Variants in LAMTOR3 observed in about 807,000 individuals in gnomAD.
LAMTOR3 encodes the protein late endosomal/lysosomal adaptor, MAPK and MTOR activator 3.
Under a neutral mutation model 20.3 loss-of-function variants are expected in LAMTOR3, and 14 were observed. The observed-to-expected ratio is 0.69, with a 90% confidence interval of 0.46 to 1.08. The LOEUF is 1.08. Ranked by LOEUF, LAMTOR3 falls within the 50% of genes least tolerant of loss-of-function variation. LAMTOR3 has a pLI of 0.00. For missense variants in LAMTOR3, 125 were observed against 143.7 expected, an observed-to-expected ratio of 0.87 and a Z score of 0.67; for synonymous variants, 40 against 49.4, an observed-to-expected ratio of 0.81 and a Z score of 0.80.
At chr4:99,891,236 G>A (rs1725017828) in intron 3 of LAMTOR3, among the ~76,000 whole-genome samples, 1 of 152,028 alleles carries the variant, frequency 6.6e-6, no homozygotes, top group South Asian at 2.1e-4. Flanking sequence ...CAATTTGAGC[G>A]CCCTTTCATT....
chr4:99,883,479 T>C (rs1045203330), intron 6 of LAMTOR3, among the ~76,000 whole-genome samples: 7 of 152,046 alleles, frequency 4.6e-5, no homozygotes, highest in African/African-American at 1.7e-4. Context: ...AGTGAAGGTA[T>C]TGGATACAAT....
At chr4:99,885,204 A>T (rs1210732088) in intron 5 of LAMTOR3, among the ~76,000 whole-genome samples, 1 of 152,166 alleles carries the variant, frequency 6.6e-6, no homozygotes, top group Non-Finnish European at 1.5e-5. Context: ...AGTTTTTTTT[A>T]TCTGTTACTA....
At chr4:99,892,176 G>C (rs1455984858) in intron 2 of LAMTOR3, 142 bp from the exon 3 acceptor site, 14 of 1,371,036 alleles carry the variant, frequency 1.0e-5, no homozygotes, top group Admixed American at 3.6e-5. Flanking sequence ...GTCTGATTTG[G>C]ATGTTTACTA....
rs568287975 is a variant in LAMTOR3 at position 99,883,871 on chromosome 4, T to C, written c.301+191A>G. On this transcript the variant is annotated intron_variant, in intron 6 of 6. Coordinates refer to ENST00000499666, the MANE Select transcript of LAMTOR3 (RefSeq NM_021970.4). ...ATGGAGAAAGCATATATTATCTCCA[T>C]TATACAGATATGGAAACCAGGATTC... Among the ~76,000 whole-genome samples the C allele has an allele frequency of 2.0e-5, 3 of 151,812 alleles. No individual in the cohort carries two copies. The South Asian group carries it at 6.2e-4, about 32-fold the overall frequency.
At chr4:99,894,064 T>G in intron 1 of LAMTOR3, 64 bp from the exon 2 acceptor site, 1 of 1,075,968 alleles carries the variant, frequency 9.3e-7, no homozygotes, top group South Asian at 1.8e-5. Flanking sequence ...ACCCACAACT[T>G]AATACGCGAG....
At chr4:99,894,443 C>T (rs1725089528), upstream of LAMTOR3, 1 of 153,056 alleles carries the variant, frequency 6.5e-6, no homozygotes. Flanking sequence ...CGTCTGCGCT[C>T]CAGGAAGCAC....
intron 5 of LAMTOR3, among the ~76,000 whole-genome samples, chr4:99,885,192 A>T (rs1260728882): frequency 6.6e-6 from 1 of 152,202 alleles, no homozygotes; most frequent in Non-Finnish European, 1.5e-5. Context: ...ACTTTCAAGG[A>T]AAGTTTTTTT....
At chr4:99,885,445 C>A in intron 5 of LAMTOR3, 97 bp downstream of exon 5, 2 of 1,100,360 alleles carry the variant, frequency 1.8e-6, no homozygotes, top group Non-Finnish European at 2.5e-6. Flanking sequence ...CTCTTCAAAA[C>A]TAAAATTGAG....
chr4:99,894,305 C>G, intron 1 of LAMTOR3, 30 bp downstream of exon 1: 1 of 275,728 alleles, frequency 3.6e-6, no homozygotes, highest in Admixed American at 5.3e-5. Context: ...GGGACTAGGC[C>G]TCAAAACCAG....
Position 99,880,812 on chromosome 4 carries a change from C to A in LAMTOR3, c.*1182G>T, listed in dbSNP as rs971367657. Reference sequence around the variant, plus strand: ...CTCAATGCATATGTACTGAACTGATCCAGGGAAAAACTGATTGTCAAAGAG... The same window carrying A: ...CTCAATGCATATGTACTGAACTGATACAGGGAAAAACTGATTGTCAAAGAG... On this transcript the variant is annotated 3_prime_UTR_variant, in exon 7 of 7. Coordinates refer to ENST00000499666, the MANE Select transcript of LAMTOR3 (RefSeq NM_021970.4). The A allele has an allele frequency of 6.6e-5, 10 of 152,206 alleles. No homozygotes were observed. The highest frequency in any genetic ancestry group is 2.4e-4 in the African/African-American group (10 of 41,422). The allele number at this position is 152,206 out of a possible 1,614,324, so 9.4% of individuals were successfully genotyped here.
At position 99,879,657 on chromosome 4, in the gene LAMTOR3, C is replaced by T. The variant is rs973733854; in HGVS notation, c.*2337G>A. 1.3e-5 allele frequency: 2 copies of T among 152,002 alleles called. No homozygotes were observed. Among genetic ancestry groups the T allele is most frequent in the African/African-American group, 2.4e-5 (1 of 41,348 alleles). 9.4% of individuals were successfully genotyped at this position (152,002 alleles called of 1,614,324 possible). On this transcript the variant is annotated 3_prime_UTR_variant, in exon 7 of 7. Transcript: ENST00000499666. ...GTTACGTAACAATGTGGATACATTT[C>T]GAGACATGCTTTGTTAGGTGATTTC...
At chr4:99,883,326 CAAAT>C (rs1366035111) in intron 6 of LAMTOR3, among the ~76,000 whole-genome samples, 1 of 151,714 alleles carries the variant, frequency 6.6e-6, no homozygotes, top group Admixed American at 6.6e-5. Flanking sequence ...GAAGAAAAAA[CAAAT>C]AGAAAAAAAT....
chr4:99,885,135 A>G (rs1681168576), intron 5 of LAMTOR3, among the ~76,000 whole-genome samples: 1 of 152,200 alleles, frequency 6.6e-6, no homozygotes, highest in South Asian at 2.1e-4. Flanking sequence ...TTACATATAT[A>G]TATTTCCAAA....
In LAMTOR3 at chr4:99,884,115, A is replaced by C; in HGVS notation, c.248T>G (p.Phe83Cys). Residue 83 changes from phenylalanine to cysteine, a missense_variant, in exon 6 of 7, where the codon TTT (phenylalanine) becomes TGT (cysteine). Physicochemically the swap from Phe to Cys is radical, Grantham distance 205. Coordinates refer to ENST00000499666, the MANE Select transcript of LAMTOR3 (RefSeq NM_021970.4). ...CYYNTYQVVQ[F>C]NRLPLVVSFI... ...ACTCACCACCAAAGGTAAACGATTA[A>C]ATTGAACCACCTAAAAAGAAAATAA... 6.2e-7 allele frequency: 1 copy of C among 1,612,064 alleles called. No homozygotes were observed. The highest frequency in any genetic ancestry group is 8.5e-7 in the Non-Finnish European group (1 of 1,178,678).
chr4:99,891,472 C>A (rs1725021119), intron 3 of LAMTOR3, among the ~76,000 whole-genome samples: 1 of 152,186 alleles, frequency 6.6e-6, no homozygotes, highest in South Asian at 2.1e-4. Flanking sequence ...CAGATGCACA[C>A]TGTCATCAGT....
intron 3 of LAMTOR3, among the ~76,000 whole-genome samples, chr4:99,888,401 C>T (rs762772208): frequency 2.3e-4 from 35 of 152,148 alleles, no homozygotes; most frequent in Non-Finnish European, 4.7e-4. Flanking sequence ...CAGTGAGAAT[C>T]CCTGGGAAAT....
rs562858895 is a variant in LAMTOR3, at chr4:99,879,040, T to C, written c.*2954A>G. 1.3e-5 allele frequency: 2 copies of C among 152,322 alleles called. No homozygotes were observed. Among genetic ancestry groups the C allele is most frequent in the African/African-American group, 4.8e-5 (2 of 41,572 alleles). 9.4% of individuals were successfully genotyped at this position (152,322 alleles called of 1,614,324 possible). A position where few individuals can be genotyped will look rare whatever the true frequency, so the allele number is the denominator to read the frequency against. ...AGGTTATGTATATGAATTTAAAAGT[T>C]TCACAGACTGCCAATTGCTGTACAT... On this transcript the variant is annotated 3_prime_UTR_variant, in exon 7 of 7. Coordinates refer to ENST00000499666, the MANE Select transcript of LAMTOR3 (RefSeq NM_021970.4).
chr4:99,886,025 C>T (rs992012136), intron 4 of LAMTOR3, among the ~76,000 whole-genome samples: 8 of 152,154 alleles, frequency 5.3e-5, no homozygotes, highest in African/African-American at 9.7e-5. Context: ...AAAAAAGTTA[C>T]AAAACTTCTG....
chr4:99,884,003 A>G, intron 6 of LAMTOR3, 59 bp downstream of exon 6: 1 of 1,181,036 alleles, frequency 8.5e-7, no homozygotes, highest in Non-Finnish European at 1.2e-6. Flanking sequence ...AAGGTATGGT[A>G]ATTAAATTAA....
Sources: allele counts gnomAD v4.1 joint callset (sites outside exome capture counted in the v4.1 genomes callset), GRCh38; gene constraint gnomAD v4.1.1; transcripts MANE v1.5; gene names NCBI Gene and HGNC (gene_info 2026-07-23, HGNC 2026-07-21).